Variants in LNP1 observed in about 807,000 individuals in gnomAD.
LNP1 encodes the protein leukemia NUP98 fusion partner 1.
In LNP1, 12 loss-of-function variants were observed where a neutral mutation model predicts 14.5. The ratio of observed to expected loss-of-function variants is 0.83; its 90% CI spans 0.53 to 1.34. The LOEUF is 1.34. Ranked by LOEUF, LNP1 falls within the 40% of genes most tolerant of loss-of-function variation. LNP1 has a pLI of 0.00. For synonymous variants in LNP1, 75 were observed against 71.4 expected (o/e 1.05, Z -0.26); for missense variants, 198 against 210.9 (o/e 0.94, Z 0.38).
chr3:100,430,189 A>G lies in LNP1; in HGVS notation c.156+304A>G, dbSNP rs183510542. Among the ~76,000 whole-genome samples, 306 of 152,332 alleles carry G rather than the reference A, an allele frequency of 2.0e-3. 1 individual carries two copies. The highest frequency in any genetic ancestry group is 7.0e-3 in the African/African-American group (291 of 41,580). ...GAGTGACGGAATTTAAGCCAAAGGAAAGAAACTTGATGCTATACTTAGTCT... is the reference window on the plus strand; with the variant it reads ...GAGTGACGGAATTTAAGCCAAAGGAGAGAAACTTGATGCTATACTTAGTCT... On this transcript the variant is annotated intron_variant, in intron 2 of 3. Coordinates refer to ENST00000383693, the MANE Select transcript of LNP1 (RefSeq NM_001085451.2).
At chr3:100,426,161 A>G (rs1576230174) in intron 1 of LNP1, among the ~76,000 whole-genome samples, 1 of 152,192 alleles carries the variant, frequency 6.6e-6, no homozygotes, top group African/African-American at 2.4e-5. Flanking sequence ...AAATGGTCCT[A>G]TCAAAGAGCA....
At chr3:100,447,073 A>G (rs1243100395) in intron 2 of LNP1, among the ~76,000 whole-genome samples, 2 of 152,220 alleles carry the variant, frequency 1.3e-5, no homozygotes. Flanking sequence ...TAGAAATACC[A>G]TTTGACCCAG....
At chr3:100,416,108 C>T (rs571910133) in intron 1 of LNP1, among the ~76,000 whole-genome samples, 20 of 152,204 alleles carry the variant, frequency 1.3e-4, no homozygotes, top group Non-Finnish European at 2.8e-4. Flanking sequence ...CTGATTGTCT[C>T]TCTGTAATAT....
chr3:100,413,870 T>G (rs1339502103), intron 1 of LNP1, among the ~76,000 whole-genome samples: 2 of 152,244 alleles, frequency 1.3e-5, no homozygotes, highest in Non-Finnish European at 2.9e-5. Context: ...GCCATGGTTA[T>G]GCAGTGCTGT....
Position 100,409,468 on chromosome 3 carries a change from C to A in LNP1, c.-34+7029C>A, listed in dbSNP as rs527693054. 4.0e-5 allele frequency among the ~76,000 whole-genome samples: 6 copies of A among 151,210 alleles called. No individual in the cohort carries two copies. The South Asian group carries it at 1.3e-3, about 32-fold the overall frequency. ...GGCCAGCCTGGCCAAGACAGTGAAACCCTGTCTTTACTAAAAATACAAAAA... is the reference window on the plus strand; with the variant it reads ...GGCCAGCCTGGCCAAGACAGTGAAAACCTGTCTTTACTAAAAATACAAAAA... On this transcript the variant is annotated intron_variant, in intron 1 of 3. Transcript: ENST00000383693.
chr3:100,450,919 T>C (rs1707431583), intron 2 of LNP1, among the ~76,000 whole-genome samples: 1 of 152,136 alleles, frequency 6.6e-6, no homozygotes, highest in Admixed American at 6.5e-5. Context: ...AGAGAGGAGT[T>C]GTACAGCAAA....
At chr3:100,408,600 T>C (rs1706994876) in intron 1 of LNP1, among the ~76,000 whole-genome samples, 2 of 152,186 alleles carry the variant, frequency 1.3e-5, no homozygotes, top group Admixed American at 1.3e-4. Flanking sequence ...CAAGTTTGTC[T>C]CACAGGGGCT....
chr3:100,447,011 T>C (rs902942645), intron 2 of LNP1, among the ~76,000 whole-genome samples: 1 of 152,120 alleles, frequency 6.6e-6, no homozygotes, highest in African/African-American at 2.4e-5. Context: ...GGAGTGTAAA[T>C]TAGTTCAACC....
chr3:100,402,389 G>A lies in LNP1; in HGVS notation c.-84G>A, dbSNP rs944575770. On this transcript the variant is annotated 5_prime_UTR_variant, in exon 1 of 4. Coordinates refer to ENST00000383693, the MANE Select transcript of LNP1 (RefSeq NM_001085451.2). The stretch of plus-strand genomic sequence containing the variant: ...GCACCAGAATGGACTGATTAAAATA[G>A]AATGGCCTAATTGGAAAGAATTTCA... The A allele has an allele frequency of 1.3e-5, 2 of 152,246 alleles. No individual in the cohort carries two copies. Among genetic ancestry groups the A allele is most frequent in the African/African-American group, 2.4e-5 (1 of 41,464 alleles). 9.4% of individuals were successfully genotyped at this position (152,246 alleles called of 1,614,324 possible).
intron 2 of LNP1, among the ~76,000 whole-genome samples, chr3:100,448,952 A>G (rs4928071): frequency 0.45 from 68,089 of 152,014 alleles, 15,975 homozygotes; most frequent in African/African-American, 0.59. Flanking sequence ...TTAAATTTGC[A>G]TATTAAAGGA....
chr3:100,412,359 C>G (rs1707039168), intron 1 of LNP1, among the ~76,000 whole-genome samples: 1 of 152,206 alleles, frequency 6.6e-6, no homozygotes, highest in Non-Finnish European at 1.5e-5. Flanking sequence ...TAGGCACCAC[C>G]TCCCAACTGC....
intron 2 of LNP1, among the ~76,000 whole-genome samples, chr3:100,449,532 C>A (rs1707418941): frequency 6.6e-6 from 1 of 151,848 alleles, no homozygotes; most frequent in Non-Finnish European, 1.5e-5. Flanking sequence ...GCAGAGGATG[C>A]AAGAGAAAGG....
At chr3:100,429,184 A>T (rs1198635155) in intron 1 of LNP1, among the ~76,000 whole-genome samples, 1 of 152,224 alleles carries the variant, frequency 6.6e-6, no homozygotes, top group Admixed American at 6.5e-5. Flanking sequence ...GCTGGATTTT[A>T]TATCAATATC....
At chr3:100,443,063 T>G (rs953047498) in intron 2 of LNP1, among the ~76,000 whole-genome samples, 2 of 152,216 alleles carry the variant, frequency 1.3e-5, no homozygotes, top group Non-Finnish European at 1.5e-5. Flanking sequence ...GGCTTATGTA[T>G]GTAAATAGGT....
intron 1 of LNP1, among the ~76,000 whole-genome samples, chr3:100,402,844 G>A (rs1310398044): frequency 1.3e-5 from 2 of 152,070 alleles, no homozygotes; most frequent in East Asian, 3.9e-4. Context: ...TCTTCCTTCA[G>A]TCCCTGTCCT....
chr3:100,432,688 T>C (rs1707253809), intron 2 of LNP1, among the ~76,000 whole-genome samples: 1 of 152,222 alleles, frequency 6.6e-6, no homozygotes, highest in Non-Finnish European at 1.5e-5. Context: ...ACTTGCCTTC[T>C]CTCTCCAACA....
intron 1 of LNP1, among the ~76,000 whole-genome samples, chr3:100,415,929 G>T (rs1164500485): frequency 6.6e-6 from 1 of 152,122 alleles, no homozygotes; most frequent in East Asian, 1.9e-4. Flanking sequence ...TTAAAAAAAA[G>T]GTTGTATTGT....
At chr3:100,422,803 C>CT (rs557593118) in intron 1 of LNP1, among the ~76,000 whole-genome samples, 1,246 of 69,090 alleles carry the variant, frequency 0.018, 175 homozygotes, top group Middle Eastern at 0.023. Flanking sequence ...TTTGTCTCCT[C>CT]TTTTTTTTTT....
chr3:100,410,392 G>A lies in LNP1; in HGVS notation c.-34+7953G>A, dbSNP rs571324002. 7.2e-5 allele frequency among the ~76,000 whole-genome samples: 11 copies of A among 152,246 alleles called. No individual in the cohort carries two copies. The East Asian group carries it at 7.7e-4, about 11-fold the overall frequency. On this transcript the variant is annotated intron_variant, in intron 1 of 3. Coordinates refer to ENST00000383693, the MANE Select transcript of LNP1 (RefSeq NM_001085451.2). ...AAGAACAGACAGTTGGAAACTGGAAGGTGATCTTTATTATAAAGTAGCAAA... is the reference window on the plus strand; with the variant it reads ...AAGAACAGACAGTTGGAAACTGGAAAGTGATCTTTATTATAAAGTAGCAAA...
Sources: allele counts gnomAD v4.1 joint callset (sites outside exome capture counted in the v4.1 genomes callset), GRCh38; gene constraint gnomAD v4.1.1; transcripts MANE v1.5; gene names NCBI Gene and HGNC (gene_info 2026-07-23, HGNC 2026-07-21).